Variants in NRXN3 observed in about 807,000 individuals in gnomAD.
The protein encoded by NRXN3 is neurexin III.
NRXN3 carries 32 observed loss-of-function variants against 137.6 expected under a neutral mutation model. The ratio of observed to expected loss-of-function variants is 0.23; its 90% CI spans 0.18 to 0.31. NRXN3 has a LOEUF of 0.31. Among genes scored for constraint, NRXN3 ranks in the 10% least tolerant of loss-of-function variants. The pLI, the probability that NRXN3 is intolerant of heterozygous loss-of-function variation, is 1.00. For synonymous variants in NRXN3, 798 were observed against 784.5 expected, an observed-to-expected ratio of 1.02 and a Z score of -0.29; for missense variants, 1,574 against 2,062.5, an observed-to-expected ratio of 0.76 and a Z score of 4.59.
At chr14:78,534,381 G>A (rs987107108) in intron 4 of NRXN3, among the ~76,000 whole-genome samples, 3 of 152,194 alleles carry the variant, frequency 2.0e-5, no homozygotes, top group African/African-American at 4.8e-5. Context: ...ATCTGTGAGG[G>A]CCACACTGAA....
chr14:79,069,403 G>A (rs1366889594), intron 15 of NRXN3, among the ~76,000 whole-genome samples: 1 of 151,916 alleles, frequency 6.6e-6, no homozygotes, highest in Non-Finnish European at 1.5e-5. Flanking sequence ...TGAACAAAGT[G>A]GACAAAAAAC....
intron 10 of NRXN3, among the ~76,000 whole-genome samples, chr14:78,944,309 T>C (rs1267721271): frequency 1.3e-5 from 2 of 152,210 alleles, no homozygotes; most frequent in Non-Finnish European, 2.9e-5. Flanking sequence ...TATGTGGTCA[T>C]GGGAAATTCC....
chr14:78,661,222 A>G (rs138937855), intron 6 of NRXN3, among the ~76,000 whole-genome samples: 188 of 152,342 alleles, frequency 1.2e-3, no homozygotes, highest in Non-Finnish European at 2.1e-3. Flanking sequence ...TATAACTGCC[A>G]TCACTAATTA....
intron 4 of NRXN3, among the ~76,000 whole-genome samples, chr14:78,548,249 T>TCTTTG (rs2096654525): frequency 1.3e-5 from 2 of 152,190 alleles, no homozygotes; most frequent in Non-Finnish European, 2.9e-5. Context: ...GATACTTTGA[T>TCTTTG]AAGCTATCTG....
At chr14:78,559,290 T>C (rs912791902) in intron 4 of NRXN3, among the ~76,000 whole-genome samples, 1 of 152,252 alleles carries the variant, frequency 6.6e-6, no homozygotes, top group Non-Finnish European at 1.5e-5. Context: ...TATATCTTAA[T>C]GCATTTTTTT....
intron 6 of NRXN3, among the ~76,000 whole-genome samples, chr14:78,706,678 G>A (rs575115611): frequency 1.3e-5 from 2 of 152,122 alleles, no homozygotes; most frequent in Non-Finnish European, 2.9e-5. Flanking sequence ...GGATGGAGAG[G>A]TGTTAAATCC....
intron 6 of NRXN3, among the ~76,000 whole-genome samples, chr14:78,673,957 G>A (rs2097967160): frequency 6.6e-6 from 1 of 152,180 alleles, no homozygotes; most frequent in Non-Finnish European, 1.5e-5. Context: ...ACGTAAGACA[G>A]CATATCCAAG....
At chr14:78,822,681 C>G (rs1379150113) in intron 10 of NRXN3, among the ~76,000 whole-genome samples, 1 of 130,664 alleles carries the variant, frequency 7.7e-6, no homozygotes, top group Non-Finnish European at 1.7e-5. Context: ...TCTCAAAAAA[C>G]AAAACAAACA....
chr14:78,329,353 CAG>C (rs1246873718), intron 4 of NRXN3, among the ~76,000 whole-genome samples: 1 of 152,064 alleles, frequency 6.6e-6, no homozygotes, highest in Admixed American at 6.5e-5. Flanking sequence ...TGAAGAATGA[CAG>C]TTTTCAGTGT....
intron 4 of NRXN3, among the ~76,000 whole-genome samples, chr14:78,424,673 A>G (rs1459012028): frequency 6.6e-6 from 1 of 152,222 alleles, no homozygotes; most frequent in Non-Finnish European, 1.5e-5. Flanking sequence ...GGAGGGAAGC[A>G]GGATGAGATT....
At chr14:78,779,497 C>G (rs924588413) in intron 8 of NRXN3, among the ~76,000 whole-genome samples, 1 of 151,448 alleles carries the variant, frequency 6.6e-6, no homozygotes, top group Non-Finnish European at 1.5e-5. Context: ...TGGAGTAAGA[C>G]AAAACAAAAA....
intron 4 of NRXN3, among the ~76,000 whole-genome samples, chr14:78,608,568 CTTA>C (rs1239089400): frequency 3.9e-5 from 6 of 152,178 alleles, no homozygotes; most frequent in Non-Finnish European, 8.8e-5. Flanking sequence ...GGAAAACCTT[CTTA>C]TTAAGCTCAG....
intron 16 of NRXN3, among the ~76,000 whole-genome samples, chr14:79,562,216 A>G (rs899484818): frequency 2.6e-5 from 4 of 152,190 alleles, no homozygotes; most frequent in African/African-American, 4.8e-5. Flanking sequence ...CATAAAACCC[A>G]GGTATCCTTA....
At chr14:78,444,736 A>G (rs1326771768) in intron 4 of NRXN3, among the ~76,000 whole-genome samples, 1 of 151,796 alleles carries the variant, frequency 6.6e-6, no homozygotes, top group Non-Finnish European at 1.5e-5. Context: ...CTTGGCCAAC[A>G]TAGTGAAACT....
At chr14:78,545,598 CT>C (rs1356381377) in intron 4 of NRXN3, among the ~76,000 whole-genome samples, 1 of 152,016 alleles carries the variant, frequency 6.6e-6, no homozygotes, top group Non-Finnish European at 1.5e-5. Flanking sequence ...TATTTTGCAT[CT>C]TGATTTTCTT....
intron 6 of NRXN3, among the ~76,000 whole-genome samples, chr14:78,688,851 A>G (rs1023971924): frequency 2.0e-5 from 3 of 152,108 alleles, no homozygotes; most frequent in African/African-American, 7.2e-5. Flanking sequence ...GGAAAAGTAT[A>G]GAGAAAAAAG....
intron 19 of NRXN3, among the ~76,000 whole-genome samples, chr14:79,740,725 T>TATATAG (rs2098959401): frequency 8.5e-5 from 2 of 23,568 alleles, no homozygotes; most frequent in Non-Finnish European, 1.7e-4. Flanking sequence ...TATATATATA[T>TATATAG]ATATATATAT....
chr14:78,982,920 A>G (rs1339744559), intron 14 of NRXN3, among the ~76,000 whole-genome samples: 1 of 152,188 alleles, frequency 6.6e-6, no homozygotes, highest in Non-Finnish European at 1.5e-5. Context: ...ATATATAAGA[A>G]ACACAAACAA....
intron 10 of NRXN3, among the ~76,000 whole-genome samples, chr14:78,881,236 C>G (rs900336031): frequency 1.3e-5 from 2 of 151,556 alleles, no homozygotes; most frequent in African/African-American, 4.9e-5. Context: ...TGAGAATGGA[C>G]TAATACAGTA....
Sources: gnomAD v4.1 joint callset for allele counts (sites outside exome capture counted in the v4.1 genomes callset) on GRCh38, gnomAD v4.1.1 for gene constraint, MANE v1.5 for transcripts, NCBI Gene and HGNC (gene_info 2026-07-23, HGNC 2026-07-21) for gene names.